ADAMTS17: variants seen among roughly 807,000 people sequenced by gnomAD.
ADAMTS17 encodes the protein A disintegrin and metalloproteinase with thrombospondin motifs 17.
In ADAMTS17, 113 loss-of-function variants were observed where a neutral mutation model predicts 141.5. The observed-to-expected ratio is 0.80, with a 90% CI of 0.69 to 0.93. The LOEUF (loss-of-function observed/expected upper bound fraction) is 0.93, where lower values mean the gene tolerates loss of function less well. ADAMTS17 is among the 40% of genes least tolerant of loss of function. The pLI is 0.00. For missense variants in ADAMTS17, 1,659 were observed against 1,517.9 expected (o/e 1.09, Z -1.54); for synonymous variants, 768 against 630.6 (o/e 1.22, Z -3.27).
intron 10 of ADAMTS17, among the ~76,000 whole-genome samples, chr15:100,144,223 A>G (rs2038791487): frequency 6.6e-6 from 1 of 152,188 alleles, no homozygotes; most frequent in Admixed American, 6.5e-5. Context: ...CAGTATTTTG[A>G]GATGTTGGCC....
At chr15:100,156,719 A>C (rs2039453858) in intron 8 of ADAMTS17, among the ~76,000 whole-genome samples, 1 of 152,232 alleles carries the variant, frequency 6.6e-6, no homozygotes, top group Non-Finnish European at 1.5e-5. Context: ...ACTGCTGTCC[A>C]ACTGGGTGTG....
intron 10 of ADAMTS17, among the ~76,000 whole-genome samples, chr15:100,141,181 C>G (rs149416975): frequency 1.3e-5 from 2 of 152,328 alleles, no homozygotes; most frequent in South Asian, 4.1e-4. Flanking sequence ...CATAGTTCCT[C>G]GAGCGGCTGC....
At chr15:100,109,164 G>A in intron 13 of ADAMTS17, 48 bp from the exon 14 acceptor site, 2 of 1,565,172 alleles carry the variant, frequency 1.3e-6, no homozygotes, top group Non-Finnish European at 1.7e-6. Flanking sequence ...GGTGTGCGTG[G>A]GCCATGCAGG....
In ADAMTS17 at chr15:100,050,712, G is replaced by C. The variant is rs532893422; in HGVS notation, c.2455+860C>G. 1.1e-4 allele frequency among the ~76,000 whole-genome samples: 17 copies of C among 152,332 alleles called. No individual in the cohort carries two copies. The East Asian group carries it at 3.3e-3, about 29-fold the overall frequency. ...CTAGGGATGGCGGGGGCTATGCCCG[G>C]GGTTCCACTCCATTATCCAACTCTC... On this transcript the variant is annotated intron_variant, in intron 17 of 21. Transcript: ENST00000268070.
At chr15:99,976,900 T>G (rs766630753) in intron 20 of ADAMTS17, among the ~76,000 whole-genome samples, 1 of 152,162 alleles carries the variant, frequency 6.6e-6, no homozygotes, top group African/African-American at 2.4e-5. Context: ...CTAGCTGCAT[T>G]CCACCGCTCG....
chr15:99,990,677 G>C (rs2060673026), intron 20 of ADAMTS17, among the ~76,000 whole-genome samples: 1 of 150,710 alleles, frequency 6.6e-6, no homozygotes, highest in Admixed American at 6.6e-5. Flanking sequence ...GTTCTGACTT[G>C]GGCTGATGGG....
intron 20 of ADAMTS17, among the ~76,000 whole-genome samples, chr15:99,989,486 CTACCCT>C: frequency 6.6e-6 from 1 of 152,364 alleles, no homozygotes; most frequent in Admixed American, 6.5e-5. Flanking sequence ...CCAAACAATG[CTACCCT>C]GCCTGTTACT....
chr15:100,132,012 G>T lies in ADAMTS17; in HGVS notation c.1716C>A (p.Asn572Lys), dbSNP rs199501248. Residue 572 changes from asparagine to lysine, a missense_variant, in exon 12 of 22, where the codon AAC (asparagine) becomes AAA (lysine). By Grantham distance (94) the Asn-to-Lys change is moderately conservative (BLOSUM62 0). Transcript: ENST00000268070. ...GARFRQRKCD[N>K]PPPGPGGTHC... Reference sequence around the variant, plus strand: ...TGGCTGGTCAGGGGACTTACGGGGGGTTGTCACATTTCCTCTGCCTGAAGC... The same window carrying T: ...TGGCTGGTCAGGGGACTTACGGGGGTTTGTCACATTTCCTCTGCCTGAAGC... The T allele has an allele frequency of 1.2e-6, 2 of 1,614,222 alleles. No individual in the cohort carries two copies. The highest frequency in any genetic ancestry group is 2.2e-5 in the East Asian group (1 of 44,866).
At chr15:100,223,629 G>C (rs2042203407) in intron 7 of ADAMTS17, among the ~76,000 whole-genome samples, 1 of 151,536 alleles carries the variant, frequency 6.6e-6, no homozygotes, top group East Asian at 1.9e-4. Flanking sequence ...GTGTATTAGG[G>C]TTTTCTTAGA....
At chr15:100,220,946 C>T (rs567697337) in intron 7 of ADAMTS17, among the ~76,000 whole-genome samples, 5 of 152,332 alleles carry the variant, frequency 3.3e-5, no homozygotes, top group South Asian at 4.1e-4. Context: ...TACATTGGGA[C>T]TATGACGGAT....
Position 100,199,340 on chromosome 15 carries a change from T to C in ADAMTS17, c.1159A>G (p.Ile387Val), listed in dbSNP as rs1488537740. The C allele has an allele frequency of 2.5e-6, 4 of 1,614,076 alleles. No individual in the cohort carries two copies. The highest frequency in any genetic ancestry group is 1.7e-5 in the Admixed American group (1 of 60,002). The change falls in exon 8 of 22, where the codon ATC becomes GTC. Residue 387 changes from isoleucine to valine, a missense_variant. Transcript: ENST00000268070. Reference sequence around the variant, plus strand: ...TACTTGTGGCCCAGCTCATGGGCGATGGTAAAGGCCAAATTGAGACCATTG... The same window carrying C: ...TACTTGTGGCCCAGCTCATGGGCGACGGTAAAGGCCAAATTGAGACCATTG... ...EDNGLNLAFT[I>V]AHELGHNLGM...
chr15:100,192,749 A>C (rs2040965710), intron 8 of ADAMTS17, among the ~76,000 whole-genome samples: 1 of 152,162 alleles, frequency 6.6e-6, no homozygotes, highest in East Asian at 1.9e-4. Context: ...CATGCTTCAC[A>C]CATCTGGATA....
At chr15:100,036,822 G>A (rs1260200949) in intron 18 of ADAMTS17, among the ~76,000 whole-genome samples, 8 of 152,056 alleles carry the variant, frequency 5.3e-5, no homozygotes, top group Non-Finnish European at 8.8e-5. Flanking sequence ...ATTGCATCTC[G>A]ATGGAATTTC....
intron 7 of ADAMTS17, among the ~76,000 whole-genome samples, chr15:100,202,857 T>C (rs974851068): frequency 2.6e-5 from 4 of 152,232 alleles, no homozygotes; most frequent in African/African-American, 9.6e-5. Context: ...GCTGACACTG[T>C]GGAACCTTCT....
rs1454259108 is a variant in ADAMTS17 at position 99,997,393 on chromosome 15, A to G, written c.2788T>C (p.Trp930Arg). The G allele has an allele frequency of 6.2e-7, 1 of 1,613,682 alleles. No individual in the cohort carries two copies. ...DCLSIWEASE[W>R]SQCSASCGKG... ...CAAGCCCAGGCACCCACCTGTGACC[A>G]CTCAGACGCCTCCCAGATGGACAGG... The change falls in exon 19 of 22, where the codon TGG (tryptophan) becomes CGG (arginine). Residue 930 changes from tryptophan to arginine, a missense_variant. Trp to Arg is a moderately radical substitution (Grantham distance 101). Coordinates refer to ENST00000268070, the MANE Select transcript of ADAMTS17 (RefSeq NM_139057.4). The surrounding 1 kb of genome is among the most constrained non-coding windows in gnomAD (Gnocchi z 4.7).
chr15:100,055,673 C>T (rs1272197018), intron 15 of ADAMTS17, among the ~76,000 whole-genome samples: 1 of 152,162 alleles, frequency 6.6e-6, no homozygotes, highest in Non-Finnish European at 1.5e-5. Flanking sequence ...AAATCCAACC[C>T]ACAACTGAAC....
At chr15:100,041,259 T>C (rs2031227814) in intron 18 of ADAMTS17, among the ~76,000 whole-genome samples, 1 of 152,246 alleles carries the variant, frequency 6.6e-6, no homozygotes. Flanking sequence ...TGTTCTTTTC[T>C]GAATCACTCT....
At position 100,146,127 on chromosome 15, in the gene ADAMTS17, C is replaced by G. The variant is rs189145364; in HGVS notation, c.1473+6485G>C. Among the ~76,000 whole-genome samples the G allele has an allele frequency of 2.7e-3, 418 of 152,278 alleles. 6 individuals are homozygous for G. The highest frequency in any genetic ancestry group is 9.4e-3 in the African/African-American group (390 of 41,544). ...GGTGGAGGTTGCACTGAGCTGAGAT[C>G]GAGCTACTGCACTGCAGCCTGGGCG... is the stretch of plus-strand genomic sequence containing the variant. On this transcript the variant is annotated intron_variant, in intron 10 of 21. Coordinates refer to ENST00000268070, the MANE Select transcript of ADAMTS17 (RefSeq NM_139057.4).
intron 8 of ADAMTS17, among the ~76,000 whole-genome samples, chr15:100,198,801 C>T (rs923600536): frequency 6.1e-4 from 93 of 152,214 alleles, no homozygotes; most frequent in Admixed American, 6.1e-3. Context: ...TTAAGGCAAG[C>T]TCTAAGGTTC....
Sources: allele counts gnomAD v4.1 joint callset (sites outside exome capture counted in the v4.1 genomes callset), GRCh38; gene constraint gnomAD v4.1.1; non-coding constraint Gnocchi (gnomAD v3.1); transcripts MANE v1.5; gene names NCBI Gene and HGNC (gene_info 2026-07-23, HGNC 2026-07-21).